Variants in LZTFL1 observed in about 807,000 individuals in gnomAD.
LZTFL1 encodes leucine zipper transcription factor-like protein 1.
LZTFL1 carries 25 observed loss-of-function variants against 45.9 expected under a neutral mutation model. The observed-to-expected ratio is 0.54, with a 90% CI of 0.40 to 0.76. The LOEUF (loss-of-function observed/expected upper bound fraction) is 0.76. LZTFL1 is among the 30% of genes least tolerant of loss of function. LZTFL1 has a pLI of 0.00. For missense variants in LZTFL1, 277 were observed against 331.1 expected (o/e 0.84, Z 1.27); for synonymous variants, 93 against 117.4 (o/e 0.79, Z 1.35).
At chr3:45,863,481 T>C (rs556230167) in intron 2 of LZTFL1, among the ~76,000 whole-genome samples, 2 of 152,220 alleles carry the variant, frequency 1.3e-5, no homozygotes, top group South Asian at 4.1e-4. Context: ...AAAAACAGAA[T>C]TGTACAATGG....
intron 2 of LZTFL1, among the ~76,000 whole-genome samples, chr3:45,860,160 C>T (rs1384147329): frequency 2.0e-5 from 3 of 151,896 alleles, no homozygotes; most frequent in South Asian, 2.1e-4. Flanking sequence ...TGCAGTGAGC[C>T]GAGATTGCGC....
At chr3:45,839,112 G>A (rs973860768) in intron 1 of LZTFL1, among the ~76,000 whole-genome samples, 7 of 151,874 alleles carry the variant, frequency 4.6e-5, no homozygotes, top group South Asian at 2.1e-4. Flanking sequence ...TTTTAGAGAC[G>A]GAGTCTCGCT....
Position 45,831,140 on chromosome 3 carries a change from T to C in LZTFL1, c.457-2A>G. Reference sequence around the variant, plus strand: ...CTCTTCTTGAAGTCTTAAAATTTCCTTTGTGAGTAAATTCAAATTTTATTA... The same window carrying C: ...CTCTTCTTGAAGTCTTAAAATTTCCCTTGTGAGTAAATTCAAATTTTATTA... On this transcript the variant is annotated splice_acceptor_variant, in intron 5 of 9. Transcript: ENST00000296135. LOFTEE classifies it high-confidence loss of function. The C allele has an allele frequency of 6.4e-7, 1 of 1,550,948 alleles. No homozygotes were observed. The highest frequency in any genetic ancestry group is 8.7e-7 in the Non-Finnish European group (1 of 1,144,548).
intron 1 of LZTFL1, among the ~76,000 whole-genome samples, 170 bp from the exon 2 acceptor site, chr3:45,838,221 C>G (rs1014377958): frequency 2.0e-5 from 3 of 152,284 alleles, no homozygotes; most frequent in African/African-American, 7.2e-5. Flanking sequence ...CTTCCTTGCC[C>G]TCCTTGCAAT....
chr3:45,848,766 T>A (rs1450853199), intron 4 of LZTFL1, among the ~76,000 whole-genome samples: 4 of 152,266 alleles, frequency 2.6e-5, no homozygotes, highest in Admixed American at 2.6e-4. Context: ...TAAGTTTTGA[T>A]AAATTTTATA....
chr3:45,886,158 G>A lies in LZTFL1; in HGVS notation c.-215+26962C>T, dbSNP rs143323327. ...TGTTGCGATGGATAGTGCTACATCT[G>A]CCACTGGGTGGTAATCTGATACAGG... On this transcript the variant is annotated intron_variant, in intron 2 of 4. Coordinates refer to the LZTFL1 transcript ENST00000472635. Among the ~76,000 whole-genome samples, 1,475 of 152,280 alleles carry A rather than the reference G, an allele frequency of 9.7e-3. 56 individuals are homozygous for A. Among genetic ancestry groups the A allele is most frequent in the Admixed American group, 0.086 (1,319 of 15,290 alleles).
chr3:45,873,735 TAAACC>T (rs1280800742), intron 2 of LZTFL1, among the ~76,000 whole-genome samples: 1 of 152,138 alleles, frequency 6.6e-6, no homozygotes, highest in Non-Finnish European at 1.5e-5. Context: ...CAAACCAAAC[TAAACC>T]AAACCAAACC....
At chr3:45,848,917 AT>A (rs1701265125) in intron 4 of LZTFL1, among the ~76,000 whole-genome samples, 1 of 152,200 alleles carries the variant, frequency 6.6e-6, no homozygotes, top group Admixed American at 6.5e-5. Flanking sequence ...ATCTCCAAAA[AT>A]TTTTCCAATA....
intron 2 of LZTFL1, among the ~76,000 whole-genome samples, chr3:45,885,439 C>G (rs893622768): frequency 1.3e-5 from 2 of 152,140 alleles, no homozygotes; most frequent in Non-Finnish European, 2.9e-5. Flanking sequence ...ACCAAAACAC[C>G]TGTAATTAAT....
At chr3:45,880,542 T>C (rs995361309) in intron 2 of LZTFL1, among the ~76,000 whole-genome samples, 3 of 152,004 alleles carry the variant, frequency 2.0e-5, no homozygotes, top group African/African-American at 7.3e-5. Context: ...CCTATATAAG[T>C]CCTTTGGGTA....
At position 45,901,834 on chromosome 3, in the gene LZTFL1, G is replaced by A; in HGVS notation, c.-215+11286C>T. ...GCCCAGTGGGTTTCATTTACAAGGA[G>A]AGAGGGAAGCTTGAAGCTGTCGTCT... On this transcript the variant is annotated intron_variant, in intron 2 of 4. Transcript: ENST00000472635. This position sits in a 1 kb window ranked among gnomAD's most constrained non-coding sequence, Gnocchi z 4.3. 1 of 1,613,406 alleles carries A rather than the reference G, an allele frequency of 6.2e-7. No homozygotes were observed. Among genetic ancestry groups the A allele is most frequent in the Non-Finnish European group, 8.5e-7 (1 of 1,179,334 alleles).
intron 2 of LZTFL1, among the ~76,000 whole-genome samples, chr3:45,874,386 A>T (rs1203073482): frequency 2.0e-5 from 3 of 152,162 alleles, no homozygotes; most frequent in Non-Finnish European, 4.4e-5. Context: ...ATGACCATGC[A>T]ACAGGTCTGT....
intron 2 of LZTFL1, among the ~76,000 whole-genome samples, chr3:45,898,713 A>T (rs1702449165): frequency 6.6e-6 from 1 of 152,250 alleles, no homozygotes; most frequent in Non-Finnish European, 1.5e-5. Flanking sequence ...ACTGTCCTTT[A>T]TCAATCAATT....
chr3:45,843,174 A>T (rs1032079500), upstream of LZTFL1, among the ~76,000 whole-genome samples: 12 of 152,326 alleles, frequency 7.9e-5, no homozygotes, highest in Middle Eastern at 6.8e-3. Flanking sequence ...TTCTTGAAAG[A>T]TTCCTAAGGG....
intron 2 of LZTFL1, among the ~76,000 whole-genome samples, chr3:45,908,154 A>T (rs146327983): frequency 6.6e-6 from 1 of 152,178 alleles, no homozygotes; most frequent in Admixed American, 6.5e-5. Context: ...GGTTTGCTTG[A>T]ACAGTGGAAT....
chr3:45,877,397 C>T (rs1213988840), intron 2 of LZTFL1, among the ~76,000 whole-genome samples: 1 of 151,992 alleles, frequency 6.6e-6, no homozygotes, highest in Non-Finnish European at 1.5e-5. Flanking sequence ...CCACGCCTGG[C>T]TAATTTTTGC....
Position 45,835,765 on chromosome 3 carries a change from T to A in LZTFL1, c.148A>T (p.Thr50Ser). 1 of 1,611,326 alleles carries A rather than the reference T, an allele frequency of 6.2e-7. No individual in the cohort carries two copies. Among genetic ancestry groups the A allele is most frequent in the Non-Finnish European group, 8.5e-7 (1 of 1,178,328 alleles). ...AGGACTTCAGAGACTTCATCTATGG[T>A]GAAGGTGTCCTCCACCAGCCTGAAA... ...KESRLVEDTF[T>S]IDEVSEVLNG... Residue 50 changes from threonine (T) to serine (S), a missense_variant, in exon 3 of 10, where the codon ACC (threonine) becomes TCC (serine). Thr to Ser is a moderately conservative substitution (Grantham distance 58, BLOSUM62 1). Transcript: ENST00000296135.
chr3:45,823,472 C>G lies in LZTFL1; in HGVS notation c.*2842G>C, dbSNP rs1440725808. On this transcript the variant is annotated 3_prime_UTR_variant, in exon 10 of 10. Coordinates refer to ENST00000296135, the MANE Select transcript of LZTFL1 (RefSeq NM_020347.4). ...ATAGGCAATAACAGCTACACGCTTA[C>G]TTGATGAAGGAGCTGATGACACAAT... 6.6e-6 allele frequency: 1 copy of G among 152,250 alleles called. No homozygotes were observed. Among genetic ancestry groups the G allele is most frequent in the Non-Finnish European group, 1.5e-5 (1 of 68,082 alleles). 9.4% of individuals were successfully genotyped at this position (152,250 alleles called of 1,614,324 possible). A position where few individuals can be genotyped will look rare whatever the true frequency, so the allele number is the denominator to read the frequency against.
At chr3:45,909,646 G>T (rs1702752740) in intron 2 of LZTFL1, among the ~76,000 whole-genome samples, 1 of 152,232 alleles carries the variant, frequency 6.6e-6, no homozygotes, top group African/African-American at 2.4e-5. Flanking sequence ...AGACTGGATG[G>T]ACTCTTCCTC....
Sources: gnomAD v4.1 joint callset for allele counts (sites outside exome capture counted in the v4.1 genomes callset) on GRCh38, gnomAD v4.1.1 for gene constraint, Gnocchi (gnomAD v3.1) non-coding constraint, MANE v1.5 for transcripts, NCBI Gene and HGNC (gene_info 2026-07-23, HGNC 2026-07-21) for gene names.